The following GABRG2 variants were observed in gnomAD, a reference collection of about 807,000 sequenced individuals.
GABRG2 encodes gamma-aminobutyric acid receptor subunit gamma-2.
Under a neutral mutation model 56.4 loss-of-function variants are expected in GABRG2, and 16 were observed. The observed-to-expected ratio is 0.28, with a 90% CI of 0.19 to 0.43. GABRG2 has a LOEUF of 0.43. Ranked by LOEUF, GABRG2 falls within the 20% of genes least tolerant of loss-of-function variation. The pLI is 1.00. For synonymous variants in GABRG2, 208 were observed against 205.5 expected, an observed-to-expected ratio of 1.01 and a Z score of -0.10; for missense variants, 327 against 582.7, an observed-to-expected ratio of 0.56 and a Z score of 4.52.
Position 162,153,542 on chromosome 5 carries a change from G to A in GABRG2, c.*174G>A. The A allele has an allele frequency of 1.3e-6, 1 of 798,254 alleles. No individual in the cohort carries two copies. Among genetic ancestry groups the A allele is most frequent in the African/African-American group, 1.7e-5 (1 of 58,648 alleles). 49.4% of individuals were successfully genotyped at this position (798,254 alleles called of 1,614,324 possible). On this transcript the variant is annotated 3_prime_UTR_variant, in exon 10 of 10. Transcript: ENST00000639213. Reference sequence around the variant, plus strand: ...ATTGTTTGTGCCCAGCCCTCCTTTGGTTAGTGTACTTTGAACTTCGATGTT... The same window carrying A: ...ATTGTTTGTGCCCAGCCCTCCTTTGATTAGTGTACTTTGAACTTCGATGTT...
intron 1 of GABRG2, among the ~76,000 whole-genome samples, chr5:162,074,111 A>T (rs901797361): frequency 6.6e-6 from 1 of 151,964 alleles, no homozygotes; most frequent in African/African-American, 2.4e-5. Context: ...TAGAGAATAA[A>T]TTTCCTTTAA....
intron 6 of GABRG2, among the ~76,000 whole-genome samples, chr5:162,141,838 T>C (rs1225500958): frequency 6.6e-6 from 1 of 152,134 alleles, no homozygotes; most frequent in African/African-American, 2.4e-5. Flanking sequence ...TACTGTTCCC[T>C]ACCCTCCTCA....
chr5:162,124,827 G>A (rs1334934492), intron 6 of GABRG2, among the ~76,000 whole-genome samples: 1 of 151,756 alleles, frequency 6.6e-6, no homozygotes, highest in African/African-American at 2.4e-5. Flanking sequence ...ATAAATAGAA[G>A]AATTGAAATA....
At position 162,096,788 on chromosome 5, in the gene GABRG2, T is replaced by C. The variant is rs139679247; in HGVS notation, c.328-850T>C. 8.3e-3 allele frequency among the ~76,000 whole-genome samples: 1,266 copies of C among 152,146 alleles called. 15 individuals carry two copies. Among genetic ancestry groups the C allele is most frequent in the African/African-American group, 0.029 (1,219 of 41,526 alleles). ...TCAACCGCTCTCCAGTTTAGTGATA[T>C]GTATACTTGATGGAAATAATTACAG... On this transcript the variant is annotated intron_variant, in intron 3 of 9. Transcript: ENST00000639213.
chr5:162,103,779 T>G, intron 5 of GABRG2, 110 bp from the exon 6 acceptor site: 1 of 1,226,616 alleles, frequency 8.2e-7, no homozygotes, highest in East Asian at 2.4e-5. Context: ...CTCATTTAGC[T>G]TGTAACTATC....
At chr5:162,101,635 G>A (rs945224355) in intron 5 of GABRG2, 2 of 341,998 alleles carry the variant, frequency 5.8e-6, no homozygotes, top group South Asian at 5.6e-5. Flanking sequence ...TAGAAAAGGT[G>A]CAATCTTTAA....
chr5:162,109,497 C>T (rs1283177779), intron 6 of GABRG2, among the ~76,000 whole-genome samples: 2 of 149,814 alleles, frequency 1.3e-5, no homozygotes, highest in African/African-American at 4.9e-5. Context: ...CAGTCCCTGA[C>T]CCCTTACTCC....
At chr5:162,114,170 A>T (rs921413107) in intron 6 of GABRG2, among the ~76,000 whole-genome samples, 3 of 152,210 alleles carry the variant, frequency 2.0e-5, no homozygotes, top group African/African-American at 7.2e-5. Context: ...TGTAAAAATA[A>T]TTATGTAGAG....
chr5:162,150,215 G>A (rs1765269583), intron 8 of GABRG2: 1 of 151,980 alleles, frequency 6.6e-6, no homozygotes, highest in Non-Finnish European at 1.5e-5. Context: ...TGTCTTATGG[G>A]GCTCCTATGA....
At chr5:162,149,675 G>T (rs1157788213) in intron 8 of GABRG2, 10 of 570,244 alleles carry the variant, frequency 1.8e-5, no homozygotes, top group Non-Finnish European at 1.7e-5. Flanking sequence ...GTGCAGTGGC[G>T]GGATCTCGGC....
intron 6 of GABRG2, among the ~76,000 whole-genome samples, chr5:162,129,690 T>A (rs1763590567): frequency 6.6e-6 from 1 of 151,838 alleles, no homozygotes; most frequent in Non-Finnish European, 1.5e-5. Flanking sequence ...CAAATAAAGG[T>A]CAAACTAAGA....
At position 162,154,927 on chromosome 5, in the gene GABRG2, A is replaced by G. The variant is rs1045974469; in HGVS notation, c.*1559A>G. On this transcript the variant is annotated 3_prime_UTR_variant, in exon 10 of 10. Coordinates refer to ENST00000639213, the MANE Select transcript of GABRG2 (RefSeq NM_198904.4). ...ACAAAGCAATTTCTCCAGACTTAAAACATGATGAGTTGAGCTCTATCTTCA... is the reference window on the plus strand; with the variant it reads ...ACAAAGCAATTTCTCCAGACTTAAAGCATGATGAGTTGAGCTCTATCTTCA... 6.6e-6 allele frequency: 1 copy of G among 152,102 alleles called. No individual in the cohort carries two copies. Among genetic ancestry groups the G allele is most frequent in the African/African-American group, 2.4e-5 (1 of 41,432 alleles). The allele number at this position is 152,102 out of a possible 1,614,324, so 9.4% of individuals were successfully genotyped here.
chr5:162,145,915 A>C (rs1214251291), intron 7 of GABRG2, among the ~76,000 whole-genome samples: 1 of 152,232 alleles, frequency 6.6e-6, no homozygotes, highest in Non-Finnish European at 1.5e-5. Context: ...TAATGCATAG[A>C]CAACCTAATA....
intron 6 of GABRG2, among the ~76,000 whole-genome samples, chr5:162,136,799 A>C (rs1764164496): frequency 6.6e-6 from 1 of 152,190 alleles, no homozygotes; most frequent in South Asian, 2.1e-4. Flanking sequence ...GAATTTTCAA[A>C]AATGTGCCTG....
At chr5:162,133,463 T>C (rs138072757) in intron 6 of GABRG2, among the ~76,000 whole-genome samples, 2 of 152,228 alleles carry the variant, frequency 1.3e-5, no homozygotes, top group East Asian at 3.9e-4. Context: ...GTAAAACATG[T>C]TTTAATATCT....
intron 6 of GABRG2, 66 bp downstream of exon 6, chr5:162,104,092 T>A: frequency 1.3e-6 from 2 of 1,506,456 alleles, no homozygotes; most frequent in East Asian, 4.5e-5. Flanking sequence ...ATATATGAAT[T>A]AGAAGATTTT....
chr5:162,119,543 G>A (rs914768846), intron 6 of GABRG2, among the ~76,000 whole-genome samples: 5 of 151,980 alleles, frequency 3.3e-5, no homozygotes, highest in African/African-American at 9.7e-5. Context: ...TTTATTCTGG[G>A]CCTCCCATGT....
chr5:162,099,648 C>T (rs992463009), intron 4 of GABRG2: 1 of 152,116 alleles, frequency 6.6e-6, no homozygotes, highest in Admixed American at 6.6e-5. Flanking sequence ...AAATATGAAG[C>T]CAATCATACT....
In GABRG2 at chr5:162,153,778, C is replaced by G. The variant is rs556737874; in HGVS notation, c.*410C>G. ...GGGTCAAGTTGTGATAAATTTGATC[C>G]CAATAGAATACCTCCCTCATTTAAG... On this transcript the variant is annotated 3_prime_UTR_variant, in exon 10 of 10. Transcript: ENST00000639213. The G allele has an allele frequency of 9.8e-6, 2 of 203,450 alleles. No homozygotes were observed. Among genetic ancestry groups the G allele is most frequent in the Non-Finnish European group, 2.0e-5 (2 of 98,980 alleles). The allele number at this position is 203,450 out of a possible 1,614,324, so 12.6% of individuals were successfully genotyped here.
Sources: allele counts gnomAD v4.1 joint callset (sites outside exome capture counted in the v4.1 genomes callset), GRCh38; gene constraint gnomAD v4.1.1; transcripts MANE v1.5; gene names NCBI Gene and HGNC (gene_info 2026-07-23, HGNC 2026-07-21).